OS9: variants seen among roughly 807,000 people sequenced by gnomAD.
The protein encoded by OS9 is OS9 endoplasmic reticulum lectin.
A neutral mutation model predicts 84.7 loss-of-function variants in OS9; 58 were observed. That is an observed-to-expected ratio of 0.68 (90% confidence interval 0.55 to 0.85). The LOEUF (loss-of-function observed/expected upper bound fraction) is 0.85. Among genes scored for constraint, OS9 ranks in the 40% least tolerant of loss-of-function variants. OS9 has a pLI of 0.00. For synonymous variants in OS9, 278 were observed against 320.8 expected, an observed-to-expected ratio of 0.87 and a Z score of 1.43; for missense variants, 760 against 850.9, an observed-to-expected ratio of 0.89 and a Z score of 1.33.
At chr12:57,715,693 C>A in intron 5 of OS9, 67 bp from the exon 6 acceptor site, 1 of 1,154,444 alleles carries the variant, frequency 8.7e-7, no homozygotes, top group Admixed American at 2.0e-5. Flanking sequence ...GTAAAAGACA[C>A]CTGCTCTAAT....
rs760024034 is a variant in OS9, at chr12:57,719,153, A to G, written c.1571A>G (p.Lys524Arg). 88 of 1,614,062 alleles carry G rather than the reference A, an allele frequency of 5.5e-5. 2 individuals are homozygous for G. In the Admixed American group the frequency reaches 1.4e-3, roughly 25 times the overall value. Residue 524 changes from lysine to arginine, a missense_variant, in exon 12 of 15, where the codon AAA (lysine) becomes AGA (arginine). Physicochemically the swap from Lys to Arg is conservative, Grantham distance 26 (BLOSUM62 2). Coordinates refer to ENST00000315970, the MANE Select transcript of OS9 (RefSeq NM_006812.4). ...CACAAGAAAAAGAGGGTTGTCCCCA[A>G]AAAGCCTCCCCCATCACCCCAACCT... ...KKHKKKRVVP[K>R]KPPPSPQPTE...
intron 5 of OS9, among the ~76,000 whole-genome samples, chr12:57,705,680 C>A (rs1954145334): frequency 6.6e-6 from 1 of 152,082 alleles, no homozygotes; most frequent in Non-Finnish European, 1.5e-5. Flanking sequence ...TGCGTACCAC[C>A]ACGCCCAGCT....
intron 5 of OS9, among the ~76,000 whole-genome samples, chr12:57,703,934 T>C (rs1236328391): frequency 6.6e-6 from 1 of 152,248 alleles, no homozygotes; most frequent in East Asian, 1.9e-4. Flanking sequence ...AGTATGACGT[T>C]AACTGTGGGT....
chr12:57,717,290 C>T (rs1044587981), intron 9 of OS9, among the ~76,000 whole-genome samples: 1 of 152,192 alleles, frequency 6.6e-6, no homozygotes, highest in Admixed American at 6.5e-5. Flanking sequence ...AATATTTGCC[C>T]TTGTCTCACT....
At chr12:57,696,226 C>T in intron 4 of OS9, 49 bp from the exon 5 acceptor site, 1 of 1,465,514 alleles carries the variant, frequency 6.8e-7, no homozygotes, top group Non-Finnish European at 9.5e-7. Context: ...CATCCTTCCT[C>T]TTTGCTATCT....
At chr12:57,720,635 G>C in intron 14 of OS9, 117 bp downstream of exon 14, 3 of 1,273,096 alleles carry the variant, frequency 2.4e-6, no homozygotes, top group Admixed American at 3.6e-5. Context: ...ACAAGGCTGG[G>C]GTTCCAGTGG....
chr12:57,702,315 A>G (rs1954050351), intron 5 of OS9, among the ~76,000 whole-genome samples: 1 of 152,190 alleles, frequency 6.6e-6, no homozygotes, highest in African/African-American at 2.4e-5. Flanking sequence ...GGTACTTCAC[A>G]TGAGTGAAAT....
intron 5 of OS9, among the ~76,000 whole-genome samples, chr12:57,709,427 A>G (rs1954264936): frequency 6.6e-6 from 1 of 152,168 alleles, no homozygotes; most frequent in Non-Finnish European, 1.5e-5. Context: ...ATATTTCTAA[A>G]CAAATGTGTT....
In OS9 at chr12:57,718,882, G is replaced by C. The variant is rs746376690; in HGVS notation, c.1411-111G>C. The C allele has an allele frequency of 2.8e-5, 22 of 783,404 alleles. 1 individual carries two copies. Among genetic ancestry groups the C allele is most frequent in the Non-Finnish European group, 4.7e-5 (22 of 472,010 alleles). 48.5% of individuals were successfully genotyped at this position (783,404 alleles called of 1,614,324 possible). On this transcript the variant is annotated intron_variant, in intron 11 of 14. Coordinates refer to ENST00000315970, the MANE Select transcript of OS9 (RefSeq NM_006812.4). ...ACGGCACCACTGTACTCCAGCCTGGGTGATAAGCAAAACTCCATTTCAAAA... is the reference window on the plus strand; with the variant it reads ...ACGGCACCACTGTACTCCAGCCTGGCTGATAAGCAAAACTCCATTTCAAAA...
In OS9 at chr12:57,696,374, G is replaced by T; in HGVS notation, c.579+1G>T. 6.4e-7 allele frequency: 1 copy of T among 1,567,256 alleles called. No individual in the cohort carries two copies. The highest frequency in any genetic ancestry group is 8.7e-7 in the Non-Finnish European group (1 of 1,153,062). The stretch of plus-strand genomic sequence containing the variant: ...GAGGCCCCGGGAGGCCGAGGTTCGG[G>T]TGAGTCTTGAGAGAGGGAAGTTGAC... On this transcript the variant is annotated splice_donor_variant, in intron 5 of 14. Coordinates refer to ENST00000315970, the MANE Select transcript of OS9 (RefSeq NM_006812.4). LOFTEE classifies it high-confidence loss of function.
At chr12:57,694,457 A>AC (rs1490457864) in intron 1 of OS9, 134 bp downstream of exon 1, 1 of 982,788 alleles carries the variant, frequency 1.0e-6, no homozygotes, top group Non-Finnish European at 1.5e-6. Context: ...TTTTACGGTG[A>AC]CCCCTGGGGG....
chr12:57,695,896 C>T, intron 3 of OS9, 53 bp downstream of exon 3: 1 of 1,561,718 alleles, frequency 6.4e-7, no homozygotes, highest in Non-Finnish European at 8.8e-7. Flanking sequence ...CATGGAAGTT[C>T]CCCAGTTCCC....
At chr12:57,710,622 C>T (rs1187339499) in intron 5 of OS9, among the ~76,000 whole-genome samples, 5 of 152,156 alleles carry the variant, frequency 3.3e-5, no homozygotes, top group Non-Finnish European at 7.4e-5. Flanking sequence ...AAATTTGTCT[C>T]CAACCATCTA....
chr12:57,696,910 G>A (rs951369273), intron 5 of OS9, among the ~76,000 whole-genome samples: 6 of 152,020 alleles, frequency 3.9e-5, no homozygotes, highest in Non-Finnish European at 7.4e-5. Flanking sequence ...TCTTGTGGTC[G>A]GTACCTTCAC....
At chr12:57,699,823 C>T (rs1016726506) in intron 5 of OS9, among the ~76,000 whole-genome samples, 14 of 152,130 alleles carry the variant, frequency 9.2e-5, no homozygotes, top group African/African-American at 2.7e-4. Context: ...CTGCTGGGCG[C>T]GGTGGCTCAT....
intron 1 of OS9, 134 bp from the exon 2 acceptor site, chr12:57,694,616 T>TA (rs1381147699): frequency 1.3e-5 from 12 of 934,304 alleles, no homozygotes; most frequent in Non-Finnish European, 6.7e-6. Flanking sequence ...ACCCACTAAA[T>TA]ACAGCTGGAG....
intron 5 of OS9, among the ~76,000 whole-genome samples, chr12:57,712,658 A>G (rs1954365352): frequency 6.6e-6 from 1 of 152,068 alleles, no homozygotes; most frequent in Admixed American, 6.6e-5. Context: ...TGAAAATCAG[A>G]CATTTTAGAT....
In OS9 at chr12:57,716,499, A is replaced by G. The variant is rs1343436800; in HGVS notation, c.980A>G (p.Glu327Gly). 2 of 1,573,122 alleles carry G rather than the reference A, an allele frequency of 1.3e-6. No individual in the cohort carries two copies. The highest frequency in any genetic ancestry group is 1.7e-6 in the Non-Finnish European group (2 of 1,158,276). ...GAGGACCAGGCCCCAGGAGGGGAGG[A>G]GGTGCCGGCTGAGGTGAGACCAGCT... ...EPEDQAPGGEEVPAEEQDPSP... is the reference protein window; with the variant it reads ...EPEDQAPGGEGVPAEEQDPSP... The change falls in exon 8 of 15, where the codon GAG becomes GGG. Residue 327 changes from glutamate (E) to glycine (G), a missense_variant. Transcript: ENST00000315970.
intron 12 of OS9, chr12:57,719,891 A>G (rs895752082): frequency 1.9e-6 from 1 of 522,290 alleles, no homozygotes; most frequent in Non-Finnish European, 3.4e-6. Flanking sequence ...TAGGGCGGGA[A>G]GATGGAAGGC....
Sources: gnomAD v4.1 joint callset for allele counts (sites outside exome capture counted in the v4.1 genomes callset) on GRCh38, gnomAD v4.1.1 for gene constraint, MANE v1.5 for transcripts, NCBI Gene and HGNC (gene_info 2026-07-23, HGNC 2026-07-21) for gene names.